ARHGAP44: variants seen among roughly 807,000 people sequenced by gnomAD.
The protein encoded by ARHGAP44 is Rho GTPase activating protein 44, also known as rho GTPase-activating protein 44.
ARHGAP44 carries 43 observed loss-of-function variants against 106.8 expected under a neutral mutation model. The observed-to-expected ratio is 0.40, with a 90% CI of 0.32 to 0.52. ARHGAP44 has a LOEUF of 0.52. ARHGAP44 is among the 20% of genes least tolerant of loss of function. The pLI is 0.48. For missense variants in ARHGAP44, 866 were observed against 1,050.5 expected (o/e 0.82, Z 2.43); for synonymous variants, 439 against 410.3 (o/e 1.07, Z -0.85).
chr17:12,839,246 A>ATAT (rs1399633449), intron 1 of ARHGAP44, among the ~76,000 whole-genome samples: 4 of 152,120 alleles, frequency 2.6e-5, no homozygotes, highest in Non-Finnish European at 5.9e-5. Flanking sequence ...AGAAGGTGAT[A>ATAT]ATCTTCCTAT....
chr17:12,990,293 C>T lies in ARHGAP44; in HGVS notation c.*122C>T, dbSNP rs571585320. The T allele has an allele frequency of 2.9e-5, 39 of 1,332,826 alleles. No homozygotes were observed. The highest frequency in any genetic ancestry group is 1.8e-4 in the East Asian group (7 of 38,868). 82.6% of individuals were successfully genotyped at this position (1,332,826 alleles called of 1,614,324 possible). A position where few individuals can be genotyped will look rare whatever the true frequency, so the allele number is the denominator to read the frequency against. On this transcript the variant is annotated 3_prime_UTR_variant, in exon 21 of 21. Transcript: ENST00000379672. ...TGGCTCTTTCCTGCCACTGCCAACACGAGGTTGGAATTTGGCAGAAAATTG... is the reference window on the plus strand; with the variant it reads ...TGGCTCTTTCCTGCCACTGCCAACATGAGGTTGGAATTTGGCAGAAAATTG...
At chr17:12,888,005 C>A (rs938598622) in intron 1 of ARHGAP44, among the ~76,000 whole-genome samples, 1 of 151,204 alleles carries the variant, frequency 6.6e-6, no homozygotes, top group Non-Finnish European at 1.5e-5. Context: ...TGATAATGTT[C>A]TTTTCAGTCT....
At chr17:12,910,466 T>TTTTA (rs2037693512) in intron 4 of ARHGAP44, among the ~76,000 whole-genome samples, 1 of 147,876 alleles carries the variant, frequency 6.8e-6, no homozygotes, top group African/African-American at 2.5e-5. Flanking sequence ...TTTTTTTTTT[T>TTTTA]GAGATAGATT....
chr17:12,954,644 A>AGGGG (rs2039083312), intron 13 of ARHGAP44, among the ~76,000 whole-genome samples: 1 of 152,002 alleles, frequency 6.6e-6, no homozygotes, highest in African/African-American at 2.4e-5. Flanking sequence ...CTTCACTATG[A>AGGGG]TCCAAGCAAA....
At position 12,978,035 on chromosome 17, in the gene ARHGAP44, T is replaced by TAAAAAAAAAAAAAAAAAAAAAAA. The variant is rs757585682; in HGVS notation, c.1764-2023_1764-2022insAAAAAAAAAAAAAAAAAAAAAAA. ...CTGGGCAACAGAGCAAGACTCCATC[T>TAAAAAAAAAAAAAAAAAAAAAAA]CAAAAAAAAAAAAAAAAAAAAGTGT... On this transcript the variant is annotated intron_variant, in intron 18 of 20. Transcript: ENST00000379672. 2.6e-3 allele frequency among the ~76,000 whole-genome samples: 146 copies of TAAAAAAAAAAAAAAAAAAAAAAA among 55,406 alleles called. 30 individuals are homozygous for TAAAAAAAAAAAAAAAAAAAAAAA. The highest frequency in any genetic ancestry group is 0.013 in the East Asian group (26 of 2,078). 36.3% of individuals were successfully genotyped at this position (55,406 alleles called of 152,430 possible).
intron 3 of ARHGAP44, among the ~76,000 whole-genome samples, chr17:12,905,263 GTTAAAA>G (rs1567678959): frequency 6.6e-6 from 1 of 152,056 alleles, no homozygotes; most frequent in East Asian, 1.9e-4. Flanking sequence ...TATGCTCCTT[GTTAAAA>G]TTAAAAAGCA....
chr17:12,902,931 G>A (rs1310030503), intron 3 of ARHGAP44, among the ~76,000 whole-genome samples: 3 of 152,150 alleles, frequency 2.0e-5, no homozygotes, highest in East Asian at 3.9e-4. Flanking sequence ...GCAGTGGCCC[G>A]CTATTAGACT....
intron 18 of ARHGAP44, among the ~76,000 whole-genome samples, chr17:12,979,551 C>T (rs2039779437): frequency 6.6e-6 from 1 of 152,128 alleles, no homozygotes; most frequent in African/African-American, 2.4e-5. Flanking sequence ...TCCCTCCTGC[C>T]TGGGGGGTGG....
chr17:12,869,042 G>C (rs954517247), intron 1 of ARHGAP44, among the ~76,000 whole-genome samples: 2 of 152,020 alleles, frequency 1.3e-5, no homozygotes, highest in Non-Finnish European at 2.9e-5. Context: ...TTAAGGGTTT[G>C]GTATAATAAA....
chr17:12,948,824 C>T (rs1446834775), intron 10 of ARHGAP44, among the ~76,000 whole-genome samples: 1 of 151,618 alleles, frequency 6.6e-6, no homozygotes, highest in African/African-American at 2.4e-5. Flanking sequence ...CAAGATTTAT[C>T]TTACACGTAC....
At chr17:12,986,961 G>A (rs2039975379) in intron 20 of ARHGAP44, 1 of 748,010 alleles carries the variant, frequency 1.3e-6, no homozygotes, top group African/African-American at 1.8e-5. Context: ...AGGTCTCTGA[G>A]CCAGTGTAGA....
chr17:12,900,602 A>G (rs951898201), intron 3 of ARHGAP44, among the ~76,000 whole-genome samples: 1 of 152,184 alleles, frequency 6.6e-6, no homozygotes, highest in African/African-American at 2.4e-5. Flanking sequence ...TTCAGCAAAT[A>G]TTTAGAAAGC....
At chr17:12,926,410 T>C (rs1038489252) in intron 6 of ARHGAP44, among the ~76,000 whole-genome samples, 2 of 143,046 alleles carry the variant, frequency 1.4e-5, no homozygotes, top group African/African-American at 2.5e-5. Context: ...ATTGTATATA[T>C]ATAATATATA....
intron 1 of ARHGAP44, among the ~76,000 whole-genome samples, chr17:12,798,857 C>A (rs2034003238): frequency 6.6e-6 from 1 of 152,088 alleles, no homozygotes; most frequent in South Asian, 2.1e-4. Context: ...AGTTCTTTGA[C>A]AGTTTTCTGG....
chr17:12,939,150 A>G (rs2038635948), intron 7 of ARHGAP44, among the ~76,000 whole-genome samples: 1 of 152,154 alleles, frequency 6.6e-6, no homozygotes, highest in African/African-American at 2.4e-5. Flanking sequence ...GCAGCCTACA[A>G]AAGCATTCAT....
At chr17:12,928,552 T>A (rs2038311707) in intron 6 of ARHGAP44, among the ~76,000 whole-genome samples, 1 of 152,198 alleles carries the variant, frequency 6.6e-6, no homozygotes, top group East Asian at 1.9e-4. Context: ...TCCCAACACA[T>A]CACATTGTAC....
intron 12 of ARHGAP44, among the ~76,000 whole-genome samples, chr17:12,950,841 G>A (rs2038975717): frequency 6.6e-6 from 1 of 152,172 alleles, no homozygotes; most frequent in African/African-American, 2.4e-5. Context: ...GGATTTAGTT[G>A]TTGGTGTGTT....
intron 16 of ARHGAP44, among the ~76,000 whole-genome samples, chr17:12,971,983 T>A (rs1406057444): frequency 6.6e-6 from 1 of 152,154 alleles, no homozygotes; most frequent in African/African-American, 2.4e-5. Flanking sequence ...ATACTTGAAC[T>A]TTTTCTGTTA....
intron 7 of ARHGAP44, among the ~76,000 whole-genome samples, chr17:12,932,301 A>C (rs1201065522): frequency 6.6e-6 from 1 of 152,228 alleles, no homozygotes; most frequent in Non-Finnish European, 1.5e-5. Flanking sequence ...TTTATTGGAC[A>C]TTCTTCATGT....
Sources: gnomAD v4.1 joint callset for allele counts (sites outside exome capture counted in the v4.1 genomes callset) on GRCh38, gnomAD v4.1.1 for gene constraint, MANE v1.5 for transcripts, NCBI Gene and HGNC (gene_info 2026-07-23, HGNC 2026-07-21) for gene names.